The following CFAP52 variants were observed in gnomAD, a reference collection of about 807,000 sequenced individuals.
The protein encoded by CFAP52 is cilia and flagella associated protein 52.
In CFAP52, 57 loss-of-function variants were observed where a neutral mutation model predicts 70.5. The observed-to-expected ratio is 0.81, with a 90% CI of 0.65 to 1.01. CFAP52 has a LOEUF of 1.01. Among genes scored for constraint, CFAP52 ranks in the 50% least tolerant of loss-of-function variants. CFAP52 has a pLI of 0.00. For missense variants in CFAP52, 785 were observed against 788.5 expected (o/e 1.00, Z 0.05); for synonymous variants, 267 against 292.5 (o/e 0.91, Z 0.89).
intron 1 of CFAP52, among the ~76,000 whole-genome samples, chr17:9,577,935 T>C (rs1908038795): frequency 6.6e-6 from 1 of 151,872 alleles, no homozygotes; most frequent in Admixed American, 6.6e-5. Context: ...ATACTAAAAA[T>C]ACAAAAATTA....
At chr17:9,638,236 G>A (rs1227807667) in intron 11 of CFAP52, among the ~76,000 whole-genome samples, 1 of 152,202 alleles carries the variant, frequency 6.6e-6, no homozygotes, top group Non-Finnish European at 1.5e-5. Context: ...ACTTCCAAAT[G>A]GTGGCCTCAG....
intron 9 of CFAP52, among the ~76,000 whole-genome samples, chr17:9,630,990 AAAAGAAAGAAAG>A (rs1183878434): frequency 1.1e-4 from 11 of 97,566 alleles, no homozygotes; most frequent in East Asian, 5.2e-4. Context: ...CATCTCAAAA[AAAAGAAAGAAAG>A]AAAGAAAGAA....
chr17:9,615,413 T>G (rs1174607586), intron 8 of CFAP52, among the ~76,000 whole-genome samples: 1 of 152,230 alleles, frequency 6.6e-6, no homozygotes, highest in East Asian at 1.9e-4. Context: ...TGTTTAGTTT[T>G]AGGTAAGTCT....
At chr17:9,602,754 T>C (rs967456049) in intron 6 of CFAP52, among the ~76,000 whole-genome samples, 1 of 152,186 alleles carries the variant, frequency 6.6e-6, no homozygotes, top group Non-Finnish European at 1.5e-5. Context: ...TGTTCCTATT[T>C]CTCCACATCC....
intron 9 of CFAP52, among the ~76,000 whole-genome samples, chr17:9,629,495 CTTTTCT>C (rs1198231615): frequency 7.0e-6 from 1 of 143,524 alleles, no homozygotes; most frequent in African/African-American, 2.7e-5. Context: ...TTCTTTCTTT[CTTTTCT>C]TTTCTTTCTT....
chr17:9,614,907 T>G (rs994318320), intron 8 of CFAP52, among the ~76,000 whole-genome samples: 1 of 152,216 alleles, frequency 6.6e-6, no homozygotes, highest in South Asian at 2.1e-4. Flanking sequence ...TTACTACTGA[T>G]GCAATTTTGT....
chr17:9,627,556 A>G (rs1910285844), intron 8 of CFAP52, among the ~76,000 whole-genome samples: 1 of 152,138 alleles, frequency 6.6e-6, no homozygotes, highest in African/African-American at 2.4e-5. Flanking sequence ...CTTCACAGGA[A>G]AGGGTTTGTT....
chr17:9,577,027 G>T (rs761546633), intron 1 of CFAP52, among the ~76,000 whole-genome samples: 1 of 152,136 alleles, frequency 6.6e-6, no homozygotes, highest in Non-Finnish European at 1.5e-5. Context: ...GGGACCAAAT[G>T]CCTCTTCCCC....
At chr17:9,629,136 C>A (rs964987771) in intron 9 of CFAP52, among the ~76,000 whole-genome samples, 1 of 152,006 alleles carries the variant, frequency 6.6e-6, no homozygotes, top group African/African-American at 2.4e-5. Context: ...ATGTGAGGAC[C>A]CTTTTTGTTG....
At chr17:9,592,833 G>A (rs918692810) in intron 3 of CFAP52, among the ~76,000 whole-genome samples, 1 of 152,180 alleles carries the variant, frequency 6.6e-6, no homozygotes, top group Admixed American at 6.5e-5. Flanking sequence ...TCGTGTACAA[G>A]ATTTTGTGTG....
chr17:9,585,582 A>G (rs1005635450), intron 1 of CFAP52, among the ~76,000 whole-genome samples, 191 bp from the exon 2 acceptor site: 14 of 144,348 alleles, frequency 9.7e-5, no homozygotes, highest in African/African-American at 3.6e-4. Flanking sequence ...GAAGCAGGAG[A>G]ATCACTTGAA....
chr17:9,630,823 T>C (rs1910446604), intron 9 of CFAP52, among the ~76,000 whole-genome samples: 1 of 148,650 alleles, frequency 6.7e-6, no homozygotes, highest in South Asian at 2.2e-4. Context: ...CCATCTCTAC[T>C]AAAAATACAA....
chr17:9,594,433 C>T lies in CFAP52; in HGVS notation c.536+112C>T. 3.0e-6 allele frequency: 4 copies of T among 1,325,480 alleles called. No homozygotes were observed. In the South Asian group the frequency reaches 5.0e-5, roughly 16 times the overall value. 82.1% of individuals were successfully genotyped at this position (1,325,480 alleles called of 1,614,324 possible). ...CACGTCTTTAGTCCTGGATAAATACCTTACATCATAGTTTTTGTGATTTTG... is the reference window on the plus strand; with the variant it reads ...CACGTCTTTAGTCCTGGATAAATACTTTACATCATAGTTTTTGTGATTTTG... On this transcript the variant is annotated intron_variant, in intron 4 of 13. Coordinates refer to ENST00000352665, the MANE Select transcript of CFAP52 (RefSeq NM_145054.5).
chr17:9,581,928 G>A (rs1003273432), intron 1 of CFAP52, among the ~76,000 whole-genome samples: 3 of 152,160 alleles, frequency 2.0e-5, no homozygotes, highest in African/African-American at 7.2e-5. Context: ...TTTAGTTCGT[G>A]TCACTTGGTC....
At chr17:9,596,059 G>GTGTGTGTATGTATATATA (rs1555541607) in intron 4 of CFAP52, among the ~76,000 whole-genome samples, 1 of 85,206 alleles carries the variant, frequency 1.2e-5, no homozygotes, top group Non-Finnish European at 2.3e-5. Flanking sequence ...ATATGTGTGT[G>GTGTGTGTATGTATATATA]TATATATATA....
At chr17:9,600,440 A>G (rs767512491) in intron 6 of CFAP52, among the ~76,000 whole-genome samples, 1 of 151,408 alleles carries the variant, frequency 6.6e-6, no homozygotes, top group African/African-American at 2.4e-5. Flanking sequence ...ACAGGGTTTC[A>G]TCATGTTGGC....
At position 9,576,753 on chromosome 17, in the gene CFAP52, A is replaced by G; in HGVS notation, c.58A>G (p.Ile20Val). The G allele has an allele frequency of 6.2e-7, 1 of 1,612,510 alleles. No individual in the cohort carries two copies. The highest frequency in any genetic ancestry group is 8.5e-7 in the Non-Finnish European group (1 of 1,179,286). The change falls in exon 1 of 14, where the codon ATC becomes GTC. Residue 20 changes from isoleucine to valine, a missense_variant. By Grantham distance (29) the Ile-to-Val change is conservative. Coordinates refer to ENST00000352665, the MANE Select transcript of CFAP52 (RefSeq NM_145054.5). ...QVAELELDAV[I>V]GFNGHVPTGL... is the part of the protein sequence containing the mutation. The stretch of plus-strand genomic sequence containing the variant: ...GGCGGAGCTGGAACTTGACGCCGTG[A>G]TCGGCTTCAATGGTGAGGCCTCCAG...
intron 13 of CFAP52, among the ~76,000 whole-genome samples, chr17:9,642,326 A>T (rs1360719040): frequency 6.6e-6 from 1 of 152,216 alleles, no homozygotes; most frequent in East Asian, 1.9e-4. Context: ...TCATCAGGAT[A>T]TTAACAAATA....
intron 6 of CFAP52, among the ~76,000 whole-genome samples, chr17:9,607,121 G>A (rs1187508244): frequency 6.6e-6 from 1 of 152,198 alleles, no homozygotes; most frequent in Non-Finnish European, 1.5e-5. Context: ...TGAGGCAGGA[G>A]GATCACTTCA....
Sources: gnomAD v4.1 joint callset for allele counts (sites outside exome capture counted in the v4.1 genomes callset) on GRCh38, gnomAD v4.1.1 for gene constraint, MANE v1.5 for transcripts, NCBI Gene and HGNC (gene_info 2026-07-23, HGNC 2026-07-21) for gene names.